The following SLCO4A1 variants were observed in gnomAD, a reference collection of about 807,000 sequenced individuals.
SLCO4A1 encodes colon organic anion transporter.
SLCO4A1 carries 51 observed loss-of-function variants against 64.6 expected under a neutral mutation model. The observed-to-expected ratio is 0.79, with a 90% CI of 0.63 to 1.00. The LOEUF is 1.00. Among genes scored for constraint, SLCO4A1 ranks in the 50% least tolerant of loss-of-function variants. The probability of loss-of-function intolerance (pLI) is 0.00; values close to 1 mark genes in which losing one functional copy is unlikely to be tolerated. For missense variants in SLCO4A1, 919 were observed against 980.5 expected (o/e 0.94, Z 0.84); for synonymous variants, 471 against 444.9 (o/e 1.06, Z -0.74).
At position 62,661,041 on chromosome 20, in the gene SLCO4A1, C is replaced by CCCCCCCCCCCCCCCCCCAA; in HGVS notation, c.1010-23_1010-22insCCCCCCCCCCCCCCCCCAA. The CCCCCCCCCCCCCCCCCCAA allele has an allele frequency of 2.2e-5, 31 of 1,424,118 alleles. No individual in the cohort carries two copies. The highest frequency in any genetic ancestry group is 2.6e-5 in the Non-Finnish European group (26 of 1,010,118). The allele number at this position is 1,424,118 out of a possible 1,614,324, so 88.2% of individuals were successfully genotyped here. ...TCCGGGAGCCCCCAGCCCCCAGCCC[C>CCCCCCCCCCCCCCCCCCAA]AGCTCACTCTGTGCCCTTCCAGGCT... On this transcript the variant is annotated intron_variant, in intron 4 of 11. Transcript: ENST00000217159. The surrounding 1 kb of genome is among the most constrained non-coding windows in gnomAD (Gnocchi z 5.2).
At chr20:62,677,695 C>A (rs1012482909) in intron 2 of SLCO4A1, among the ~76,000 whole-genome samples, 1 of 152,256 alleles carries the variant, frequency 6.6e-6, no homozygotes, top group East Asian at 1.9e-4. Flanking sequence ...TGTGCACCCT[C>A]TTTTTGAGCC....
At chr20:62,646,830 G>A (rs1197405817) in intron 1 of SLCO4A1, among the ~76,000 whole-genome samples, 1 of 152,286 alleles carries the variant, frequency 6.6e-6, no homozygotes, top group Admixed American at 6.5e-5. Context: ...AATGGCAGGA[G>A]AGTTTTCAGT....
chr20:62,678,199 T>C (rs1987678698), intron 2 of SLCO4A1, among the ~76,000 whole-genome samples: 1 of 152,230 alleles, frequency 6.6e-6, no homozygotes, highest in Non-Finnish European at 1.5e-5. Context: ...GCCAGCAGGC[T>C]TTATTGCAGC....
rs781140980 is a variant in SLCO4A1 at position 62,671,920 on chromosome 20, G to GC, written c.*28dup. 6.2e-7 allele frequency: 1 copy of GC among 1,606,608 alleles called. No individual in the cohort carries two copies. Among genetic ancestry groups the GC allele is most frequent in the South Asian group, 1.1e-5 (1 of 91,092 alleles). ...CACCGCCCGCGCCCACCCGGCCACG[G>GC]CGGGCACTCAGCATTTCCTGATGAC... On this transcript the variant is annotated 3_prime_UTR_variant, in exon 12 of 12. Coordinates refer to ENST00000217159, the MANE Select transcript of SLCO4A1 (RefSeq NM_016354.4).
chr20:62,679,427 T>C (rs1987732543), intron 2 of SLCO4A1, among the ~76,000 whole-genome samples: 1 of 151,710 alleles, frequency 6.6e-6, no homozygotes, highest in African/African-American at 2.4e-5. Context: ...AGTGGTACAA[T>C]CATGGCTGAC....
intron 1 of SLCO4A1, among the ~76,000 whole-genome samples, chr20:62,643,471 T>TG (rs1043472620): frequency 6.6e-6 from 1 of 152,232 alleles, no homozygotes; most frequent in Non-Finnish European, 1.5e-5. Flanking sequence ...ACCCTCAGGC[T>TG]GGGGGGTGCC....
downstream of SLCO4A1, among the ~76,000 whole-genome samples, chr20:62,674,751 G>T (rs1641124346): frequency 6.6e-6 from 1 of 152,236 alleles, no homozygotes; most frequent in Admixed American, 6.5e-5. Context: ...ACTAGGGTGA[G>T]ATGAGGGGGT....
chr20:62,657,902 CTA>C (rs1285019796), intron 2 of SLCO4A1, among the ~76,000 whole-genome samples: 4 of 152,222 alleles, frequency 2.6e-5, no homozygotes, highest in African/African-American at 9.7e-5. Context: ...GAGTAAAGAT[CTA>C]TGTTATAACT....
Position 62,653,640 on chromosome 20 carries a change from C to G in SLCO4A1, c.-96-2719C>G, listed in dbSNP as rs1983053907. On this transcript the variant is annotated intron_variant, in intron 1 of 11. Coordinates refer to ENST00000217159, the MANE Select transcript of SLCO4A1 (RefSeq NM_016354.4). ...TTAGAGTTAGTGTGTCTGTTAAGCT[C>G]TAACTCTGCCTCAACCCCAAGGTCA... Among the ~76,000 whole-genome samples, 3 of 152,350 alleles carry G rather than the reference C, an allele frequency of 2.0e-5. No homozygotes were observed. The South Asian group carries it at 6.2e-4, about 32-fold the overall frequency.
chr20:62,676,250 G>GT (rs968869377), downstream of SLCO4A1, among the ~76,000 whole-genome samples: 1 of 151,602 alleles, frequency 6.6e-6, no homozygotes, highest in African/African-American at 2.4e-5. Context: ...CCCTGTCTCT[G>GT]TAAAAAAAAA....
intron 2 of SLCO4A1, among the ~76,000 whole-genome samples, chr20:62,682,316 A>G (rs1470568667): frequency 6.6e-6 from 1 of 152,174 alleles, no homozygotes; most frequent in East Asian, 1.9e-4. Flanking sequence ...GTCACCATGG[A>G]AAGAGACCAT....
intron 1 of SLCO4A1, 106 bp from the exon 2 acceptor site, chr20:62,656,253 C>T (rs878922985): frequency 3.6e-6 from 2 of 550,000 alleles, no homozygotes; most frequent in South Asian, 5.7e-5. Flanking sequence ...ACAAGGCAGG[C>T]AGAGCTTTGA....
chr20:62,674,602 G>A (rs150872682), downstream of SLCO4A1, among the ~76,000 whole-genome samples: 8 of 152,304 alleles, frequency 5.3e-5, no homozygotes, highest in Admixed American at 3.9e-4. Flanking sequence ...GGGTCTGAGC[G>A]GCCCTGTGTG....
chr20:62,661,659 C>A lies in SLCO4A1; in HGVS notation c.1121+484C>A, dbSNP rs926222472. Reference sequence around the variant, plus strand: ...TACCCCCCGGGCCCTGGGATGCTGCCCCCCCATCTCCCTCCCTCCCTCAGA... The same window carrying A: ...TACCCCCCGGGCCCTGGGATGCTGCACCCCCATCTCCCTCCCTCCCTCAGA... On this transcript the variant is annotated intron_variant, in intron 5 of 11. Coordinates refer to ENST00000217159, the MANE Select transcript of SLCO4A1 (RefSeq NM_016354.4). The surrounding 1 kb of genome is among the most constrained non-coding windows in gnomAD (Gnocchi z 5.2). Among the ~76,000 whole-genome samples, 4 of 150,088 alleles carry A rather than the reference C, an allele frequency of 2.7e-5. No individual in the cohort carries two copies. Among genetic ancestry groups the A allele is most frequent in the Admixed American group, 2.0e-4 (3 of 15,112 alleles).
rs1983918570 is a variant in SLCO4A1 at position 62,657,228 on chromosome 20, C to T, written c.774C>T (p.Ser258=). 4 of 1,535,396 alleles carry T rather than the reference C, an allele frequency of 2.6e-6. No individual in the cohort carries two copies. Among genetic ancestry groups the T allele is most frequent in the Middle Eastern group, 1.8e-4 (1 of 5,516 alleles). ...CCTACCTGGATGAGAACGTCAAGTC[C>T]AGCTGCTCGCCCGTCTACATTGGTG... ...GVTYLDENVK[S]SCSPVYIAIF... The change falls in exon 2 of 12, where the codon TCC becomes TCT. Residue 258 remains serine, a synonymous_variant. Transcript: ENST00000217159.
chr20:62,654,740 C>T (rs1436700270), intron 1 of SLCO4A1, among the ~76,000 whole-genome samples: 2 of 151,986 alleles, frequency 1.3e-5, no homozygotes, highest in Non-Finnish European at 2.9e-5. Flanking sequence ...GAATGTGATA[C>T]AATGTGGCCC....
chr20:62,665,145 G>T, intron 6 of SLCO4A1, 57 bp downstream of exon 6: 1 of 1,541,286 alleles, frequency 6.5e-7, no homozygotes, highest in Non-Finnish European at 8.8e-7. Flanking sequence ...CAGAAACAGA[G>T]TCTTCAAGGG....
chr20:62,657,303 G>A, intron 2 of SLCO4A1, 53 bp downstream of exon 2: 1 of 1,447,472 alleles, frequency 6.9e-7, no homozygotes, highest in Non-Finnish European at 9.3e-7. Flanking sequence ...GGGCAGTGTT[G>A]CAGGAGTGAG....
chr20:62,671,847 C>G lies in SLCO4A1; in HGVS notation c.2123C>G (p.Ser708Ter), dbSNP rs776435785. Residue 708 changes from serine (S) to a stop codon, truncating the protein, a stop_gained, in exon 12 of 12, where the codon TCA (serine) becomes TGA (stop). Transcript: ENST00000217159. LOFTEE classifies it low-confidence loss of function (END_TRUNC). ...GLETCLPSQS[S>*]APDSATDSQL... ...GAAACTTGTCTGCCCAGCCAGTCCT[C>G]AGCCCCTGACAGTGCCACAGATAGC... 1.2e-6 allele frequency: 2 copies of G among 1,613,480 alleles called. No homozygotes were observed. The highest frequency in any genetic ancestry group is 3.3e-5 in the Admixed American group (2 of 60,036).
Sources: allele counts gnomAD v4.1 joint callset (sites outside exome capture counted in the v4.1 genomes callset), GRCh38; gene constraint gnomAD v4.1.1; non-coding constraint Gnocchi (gnomAD v3.1); transcripts MANE v1.5; gene names NCBI Gene and HGNC (gene_info 2026-07-23, HGNC 2026-07-21).